Variants in RBFOX1 observed in about 807,000 individuals in gnomAD.
RBFOX1 encodes the protein RNA binding fox-1 homolog 1, also known as RNA binding protein fox-1 homolog 1.
In RBFOX1, 8 loss-of-function variants were observed where a neutral mutation model predicts 57.7. That is an observed-to-expected ratio of 0.14 (90% CI 0.08 to 0.25). RBFOX1 has a LOEUF of 0.25. RBFOX1 is among the 10% of genes least tolerant of loss of function. The probability of loss-of-function intolerance (pLI) is 1.00; values close to 1 mark genes in which losing one functional copy is unlikely to be tolerated. For synonymous variants in RBFOX1, 326 were observed against 222.4 expected, an observed-to-expected ratio of 1.47 and a Z score of -4.15; for missense variants, 611 against 548.5, an observed-to-expected ratio of 1.11 and a Z score of -1.14.
At chr16:5,912,782 G>A (rs746742194) in intron 4 of RBFOX1, among the ~76,000 whole-genome samples, 7 of 152,092 alleles carry the variant, frequency 4.6e-5, no homozygotes, top group African/African-American at 1.4e-4. Context: ...AATTAGAGGC[G>A]GCAGAGTTGA....
intron 4 of RBFOX1, among the ~76,000 whole-genome samples, chr16:7,198,927 G>T (rs556757393): frequency 9.9e-5 from 15 of 152,172 alleles, no homozygotes; most frequent in African/African-American, 3.6e-4. Flanking sequence ...AGTTTGCTCA[G>T]TATGAACCAT....
chr16:5,730,890 A>C (rs748628828), intron 3 of RBFOX1, among the ~76,000 whole-genome samples: 2 of 152,068 alleles, frequency 1.3e-5, no homozygotes, highest in African/African-American at 4.8e-5. Context: ...TATCATTGCC[A>C]CTGTCATCAC....
chr16:5,316,625 C>A (rs569368480), intron 1 of RBFOX1, among the ~76,000 whole-genome samples: 1 of 152,312 alleles, frequency 6.6e-6, no homozygotes, highest in African/African-American at 2.4e-5. Flanking sequence ...AATAAGAATA[C>A]CTACTGTGAT....
intron 1 of RBFOX1, among the ~76,000 whole-genome samples, chr16:6,229,509 C>G (rs2097442690): frequency 6.6e-6 from 1 of 152,020 alleles, no homozygotes; most frequent in Non-Finnish European, 1.5e-5. Flanking sequence ...GACGCAAACA[C>G]AATAAAGGAT....
intron 3 of RBFOX1, among the ~76,000 whole-genome samples, chr16:5,618,878 G>A (rs1042647291): frequency 6.6e-6 from 1 of 152,184 alleles, no homozygotes; most frequent in African/African-American, 2.4e-5. Flanking sequence ...CCAGAACCCA[G>A]CTTCCTGTTG....
At chr16:6,968,742 C>G (rs2084852879) in intron 3 of RBFOX1, among the ~76,000 whole-genome samples, 2 of 152,174 alleles carry the variant, frequency 1.3e-5, no homozygotes, top group South Asian at 2.1e-4. Context: ...TCTCCCTCCT[C>G]TCCCTCCTCT....
intron 4 of RBFOX1, among the ~76,000 whole-genome samples, chr16:7,121,967 A>T (rs1057222189): frequency 6.6e-6 from 1 of 152,082 alleles, no homozygotes; most frequent in African/African-American, 2.4e-5. Flanking sequence ...AATTGCAAAC[A>T]CATTTGCCAA....
chr16:7,478,539 C>CA (rs2063208082), intron 4 of RBFOX1, among the ~76,000 whole-genome samples: 1 of 152,156 alleles, frequency 6.6e-6, no homozygotes, highest in African/African-American at 2.4e-5. Context: ...GAAGTTCCTT[C>CA]TAACCCTGAG....
chr16:6,539,134 A>AAT (rs60740923), intron 2 of RBFOX1, among the ~76,000 whole-genome samples: 1 of 151,870 alleles, frequency 6.6e-6, no homozygotes, highest in Non-Finnish European at 1.5e-5. Flanking sequence ...GAAAAAAAAA[A>AAT]AGAAAATTTG....
intron 2 of RBFOX1, among the ~76,000 whole-genome samples, chr16:6,351,369 TA>T (rs1180517366): frequency 0.014 from 1,198 of 87,120 alleles, 44 homozygotes; most frequent in African/African-American, 0.062. Context: ...TATATATATA[TA>T]TATTTTTTTT....
In RBFOX1 at chr16:6,019,478, C is replaced by A. The variant is rs924539718; in HGVS notation, c.-641C>A. 1.1e-4 allele frequency: 115 copies of A among 1,003,572 alleles called. No individual in the cohort carries two copies. Among genetic ancestry groups the A allele is most frequent in the Non-Finnish European group, 1.2e-4 (105 of 842,250 alleles). The allele number at this position is 1,003,572 out of a possible 1,614,324, so 62.2% of individuals were successfully genotyped here. A position where few individuals can be genotyped will look rare whatever the true frequency, so the allele number is the denominator to read the frequency against. ...CCGAACTCGCGGAGGGGAATCCCTCCCCCTCCGCCCCAGCCCCCCAGCAGC... is the reference window on the plus strand; with the variant it reads ...CCGAACTCGCGGAGGGGAATCCCTCACCCTCCGCCCCAGCCCCCCAGCAGC... On this transcript the variant is annotated 5_prime_UTR_variant, in exon 1 of 16. Transcript: ENST00000550418. This position sits in a 1 kb window ranked among gnomAD's most constrained non-coding sequence, Gnocchi z 4.2.
chr16:6,063,897 G>A (rs372942949), intron 1 of RBFOX1, among the ~76,000 whole-genome samples: 6 of 152,060 alleles, frequency 3.9e-5, no homozygotes, highest in African/African-American at 1.4e-4. Flanking sequence ...TCTCTCTCCA[G>A]AATTCATTAA....
chr16:5,582,799 A>G (rs2046715811), intron 2 of RBFOX1, among the ~76,000 whole-genome samples: 1 of 152,094 alleles, frequency 6.6e-6, no homozygotes, highest in African/African-American at 2.4e-5. Flanking sequence ...GGAGGTGGTT[A>G]TCAGTTCAGC....
intron 1 of RBFOX1, among the ~76,000 whole-genome samples, chr16:5,419,793 G>C (rs2067261486): frequency 6.6e-6 from 1 of 151,970 alleles, no homozygotes; most frequent in East Asian, 1.9e-4. Context: ...GAGATATGAA[G>C]CTTGGGAGGG....
At chr16:5,746,759 AG>A (rs1239858409) in intron 3 of RBFOX1, among the ~76,000 whole-genome samples, 1 of 152,168 alleles carries the variant, frequency 6.6e-6, no homozygotes, top group Non-Finnish European at 1.5e-5. Flanking sequence ...CTGGTGTATA[AG>A]AATGCTTGTG....
chr16:7,423,049 C>G (rs554980508), intron 4 of RBFOX1: 4 of 151,284 alleles, frequency 2.6e-5, no homozygotes, highest in Admixed American at 6.6e-5. Context: ...CTCTTCCCTT[C>G]GGGGATTCTG....
At chr16:7,707,430 A>G (rs1413672080) in intron 14 of RBFOX1, among the ~76,000 whole-genome samples, 2 of 152,174 alleles carry the variant, frequency 1.3e-5, no homozygotes, top group Non-Finnish European at 2.9e-5. Context: ...AGGTACGTGC[A>G]AATTGGGCTC....
intron 1 of RBFOX1, among the ~76,000 whole-genome samples, chr16:5,302,087 C>T (rs556937470): frequency 6.6e-6 from 1 of 152,200 alleles, no homozygotes; most frequent in East Asian, 1.9e-4. Flanking sequence ...ATGTAGTAAA[C>T]ATCTAGGCTA....
chr16:6,032,514 T>G (rs2095305403), intron 1 of RBFOX1, among the ~76,000 whole-genome samples: 1 of 152,220 alleles, frequency 6.6e-6, no homozygotes, highest in Non-Finnish European at 1.5e-5. Flanking sequence ...TTACGTAATT[T>G]GGTGGAGCCT....
Sources: allele counts gnomAD v4.1 joint callset (sites outside exome capture counted in the v4.1 genomes callset), GRCh38; gene constraint gnomAD v4.1.1; non-coding constraint Gnocchi (gnomAD v3.1); transcripts MANE v1.5; gene names NCBI Gene and HGNC (gene_info 2026-07-23, HGNC 2026-07-21).